Variants in SHISAL1 observed in about 807,000 individuals in gnomAD.
SHISAL1 encodes protein shisa-like-1.
A neutral mutation model predicts 22.6 loss-of-function variants in SHISAL1; 9 were observed. That is an observed-to-expected ratio of 0.40 (90% CI 0.24 to 0.70). The LOEUF is 0.70. Among genes scored for constraint, SHISAL1 ranks in the 30% least tolerant of loss-of-function variants. SHISAL1 has a pLI of 0.39. For missense variants in SHISAL1, 246 were observed against 270.6 expected, an observed-to-expected ratio of 0.91 and a Z score of 0.64; for synonymous variants, 119 against 115.4, an observed-to-expected ratio of 1.03 and a Z score of -0.20.
chr22:44,287,119 C>A (rs2147292058), intron 3 of SHISAL1, among the ~76,000 whole-genome samples: 1 of 152,372 alleles, frequency 6.6e-6, no homozygotes, highest in South Asian at 2.1e-4. Context: ...TCTAATTCTT[C>A]CTCTGCCTGG....
At chr22:44,288,597 C>T (rs770502278) in intron 3 of SHISAL1, among the ~76,000 whole-genome samples, 10 of 152,144 alleles carry the variant, frequency 6.6e-5, no homozygotes, top group South Asian at 4.1e-4. Context: ...GCTGAGATTG[C>T]GCCACTGCAC....
At chr22:44,275,214 C>T (rs1474448736) in intron 4 of SHISAL1, among the ~76,000 whole-genome samples, 1 of 152,170 alleles carries the variant, frequency 6.6e-6, no homozygotes, top group African/African-American at 2.4e-5. Context: ...GAGAAGAGTA[C>T]ACCTGCCACC....
chr22:44,251,843 C>A (rs1462243231), intron 4 of SHISAL1, among the ~76,000 whole-genome samples: 4 of 152,162 alleles, frequency 2.6e-5, no homozygotes, highest in Non-Finnish European at 5.9e-5. Context: ...TGGGTGGGGA[C>A]ACAGCCAAAC....
intron 4 of SHISAL1, among the ~76,000 whole-genome samples, chr22:44,272,708 G>C (rs577510190): frequency 2.6e-5 from 4 of 152,262 alleles, no homozygotes; most frequent in Admixed American, 2.0e-4. Context: ...AGCTGCAAAG[G>C]GCCGATGAAT....
At chr22:44,255,758 C>A (rs2055080220) in intron 4 of SHISAL1, among the ~76,000 whole-genome samples, 1 of 152,226 alleles carries the variant, frequency 6.6e-6, no homozygotes, top group Non-Finnish European at 1.5e-5. Context: ...AGAGCAGAAG[C>A]TAAAGCCCTT....
intron 4 of SHISAL1, among the ~76,000 whole-genome samples, chr22:44,279,214 G>A (rs919430975): frequency 3.3e-5 from 5 of 152,174 alleles, no homozygotes; most frequent in Admixed American, 2.0e-4. Flanking sequence ...GAGGGAACGC[G>A]CGCCTTCTTG....
At chr22:44,249,851 T>A (rs6006500) in intron 4 of SHISAL1, among the ~76,000 whole-genome samples, 166 bp from the exon 5 acceptor site, 14,499 of 152,138 alleles carry the variant, frequency 0.095, 1,180 homozygotes, top group East Asian at 0.28. Flanking sequence ...AGAAAAAAAA[T>A]GTCTGCTATC....
intron 4 of SHISAL1, among the ~76,000 whole-genome samples, chr22:44,259,643 T>C (rs1219381786): frequency 6.6e-6 from 1 of 151,930 alleles, no homozygotes; most frequent in Admixed American, 6.5e-5. Flanking sequence ...CATTCTCACA[T>C]GCCAAGGGGA....
intron 4 of SHISAL1, among the ~76,000 whole-genome samples, chr22:44,266,282 C>T (rs1437614320): frequency 6.6e-6 from 1 of 152,058 alleles, no homozygotes; most frequent in African/African-American, 2.4e-5. Flanking sequence ...AGCAGGGCTG[C>T]GGAGATGCTT....
At chr22:44,257,830 G>A (rs372242105) in intron 4 of SHISAL1, among the ~76,000 whole-genome samples, 3 of 152,224 alleles carry the variant, frequency 2.0e-5, no homozygotes, top group Non-Finnish European at 2.9e-5. Flanking sequence ...CTGCATTAGC[G>A]TGAGCTGCTT....
the SHISAL1 span, among the ~76,000 whole-genome samples, chr22:44,325,471 G>A: frequency 5.9e-5 from 9 of 152,128 alleles, no homozygotes; most frequent in East Asian, 5.8e-4. Context: ...CAGGGAGTTC[G>A]GTTCCCGTGG....
intron 3 of SHISAL1, among the ~76,000 whole-genome samples, chr22:44,293,485 G>A (rs2055366779): frequency 6.6e-6 from 1 of 152,210 alleles, no homozygotes; most frequent in Admixed American, 6.5e-5. Context: ...AATGCACAGA[G>A]TGGGCCCCAC....
chr22:44,265,063 A>G (rs1277856500), intron 4 of SHISAL1, among the ~76,000 whole-genome samples: 1 of 152,000 alleles, frequency 6.6e-6, no homozygotes, highest in Non-Finnish European at 1.5e-5. Context: ...CAGTCCCCCC[A>G]TCTGTAAAAT....
At chr22:44,308,132 G>A (rs182405284) in intron 1 of SHISAL1, among the ~76,000 whole-genome samples, 1 of 152,314 alleles carries the variant, frequency 6.6e-6, no homozygotes, top group East Asian at 1.9e-4. Flanking sequence ...TGTGACCTGG[G>A]GTGACACCTG....
chr22:44,273,098 AAAAAAAAAC>A (rs1443322947), intron 4 of SHISAL1, among the ~76,000 whole-genome samples: 1 of 151,370 alleles, frequency 6.6e-6, no homozygotes, highest in Non-Finnish European at 1.5e-5. Flanking sequence ...TCTGTCTCCA[AAAAAAAAAC>A]AAAAAAAACC....
the SHISAL1 span, among the ~76,000 whole-genome samples, chr22:44,319,735 G>C: frequency 6.6e-6 from 1 of 152,186 alleles, no homozygotes; most frequent in Non-Finnish European, 1.5e-5. Context: ...CCACCACTCC[G>C]GTCTGGCCTC....
At chr22:44,328,080 T>C in the SHISAL1 span, among the ~76,000 whole-genome samples, 1 of 152,072 alleles carries the variant, frequency 6.6e-6, no homozygotes, top group Non-Finnish European at 1.5e-5. Context: ...AAAGCATCCC[T>C]AAGAAGGGAG....
At chr22:44,313,925 G>T (rs2055540089), upstream of SHISAL1, among the ~76,000 whole-genome samples, 2 of 152,158 alleles carry the variant, frequency 1.3e-5, no homozygotes, top group African/African-American at 4.8e-5. Context: ...TCTAACCACG[G>T]TCCCAACAAT....
At chr22:44,309,727 T>A (rs1174665253) in intron 1 of SHISAL1, among the ~76,000 whole-genome samples, 1 of 152,228 alleles carries the variant, frequency 6.6e-6, no homozygotes, top group African/African-American at 2.4e-5. Flanking sequence ...TCATCAGGGA[T>A]GTTTAACCTC....
Sources: allele counts gnomAD v4.1 joint callset (sites outside exome capture counted in the v4.1 genomes callset), GRCh38; gene constraint gnomAD v4.1.1; transcripts MANE v1.5; gene names NCBI Gene and HGNC (gene_info 2026-07-23, HGNC 2026-07-21).